The following PDLIM5 variants were observed in gnomAD, a reference collection of about 807,000 sequenced individuals.
PDLIM5 encodes PDZ and LIM domain protein 5.
Under a neutral mutation model 64.2 loss-of-function variants are expected in PDLIM5, and 34 were observed. The observed-to-expected ratio is 0.53, with a 90% CI of 0.40 to 0.71. The LOEUF (loss-of-function observed/expected upper bound fraction) is 0.71. PDLIM5 is among the 30% of genes least tolerant of loss of function. The pLI is 0.00. For missense variants in PDLIM5, 683 were observed against 733.6 expected (o/e 0.93, Z 0.80); for synonymous variants, 253 against 269.1 (o/e 0.94, Z 0.59).
At chr4:94,512,220 C>T (rs1157050646) in intron 2 of PDLIM5, among the ~76,000 whole-genome samples, 1 of 151,976 alleles carries the variant, frequency 6.6e-6, no homozygotes, top group Non-Finnish European at 1.5e-5. Context: ...GGGGTTTCAC[C>T]ATGTTGGCCC....
intron 3 of PDLIM5, among the ~76,000 whole-genome samples, chr4:94,569,795 A>G (rs918871791): frequency 6.6e-6 from 1 of 152,214 alleles, no homozygotes; most frequent in African/African-American, 2.4e-5. Context: ...TGCTACTTAA[A>G]TTTAAATTTG....
At chr4:94,576,936 G>A (rs373618783) in intron 5 of PDLIM5, among the ~76,000 whole-genome samples, 4 of 151,966 alleles carry the variant, frequency 2.6e-5, no homozygotes, top group African/African-American at 9.7e-5. Context: ...AATTTATGTT[G>A]AGGAGCAAGG....
intron 8 of PDLIM5, among the ~76,000 whole-genome samples, chr4:94,631,457 C>T (rs887732270): frequency 1.3e-5 from 2 of 152,076 alleles, no homozygotes; most frequent in Non-Finnish European, 2.9e-5. Context: ...AAAATAATAA[C>T]GCCTTCATAC....
intron 1 of PDLIM5, among the ~76,000 whole-genome samples, chr4:94,454,032 T>C (rs758781218): frequency 6.6e-6 from 1 of 152,216 alleles, no homozygotes; most frequent in Non-Finnish European, 1.5e-5. Context: ...AATGTTTGCT[T>C]TAAATATACC....
intron 2 of PDLIM5, among the ~76,000 whole-genome samples, chr4:94,483,688 T>G (rs182674399): frequency 2.0e-5 from 3 of 152,310 alleles, no homozygotes; most frequent in African/African-American, 7.2e-5. Flanking sequence ...AACATCGTGT[T>G]TTACAGATTT....
chr4:94,547,208 AC>A (rs1259084522), intron 3 of PDLIM5, among the ~76,000 whole-genome samples: 1 of 151,676 alleles, frequency 6.6e-6, no homozygotes, highest in Admixed American at 6.6e-5. Flanking sequence ...TGCACCCCCA[AC>A]CCCCCAAATT....
At chr4:94,475,930 C>T (rs1256397164) in intron 2 of PDLIM5, among the ~76,000 whole-genome samples, 2 of 152,130 alleles carry the variant, frequency 1.3e-5, no homozygotes. Flanking sequence ...ATTGGCAAAT[C>T]ACCTCCCAGT....
chr4:94,533,400 C>T (rs1327431516), intron 3 of PDLIM5, among the ~76,000 whole-genome samples: 1 of 152,096 alleles, frequency 6.6e-6, no homozygotes, highest in Non-Finnish European at 1.5e-5. Flanking sequence ...GTTTAAAGAT[C>T]TGTTTAGTTT....
intron 1 of PDLIM5, among the ~76,000 whole-genome samples, chr4:94,453,944 T>C (rs1016770522): frequency 6.6e-6 from 1 of 152,192 alleles, no homozygotes; most frequent in Admixed American, 6.5e-5. Flanking sequence ...GTAATTTTTA[T>C]TTTCCCTGAT....
At chr4:94,598,255 A>G (rs1425582952) in intron 7 of PDLIM5, among the ~76,000 whole-genome samples, 2 of 152,140 alleles carry the variant, frequency 1.3e-5, no homozygotes, top group Non-Finnish European at 2.9e-5. Context: ...TTAAAAGAAA[A>G]TAAACCCAGT....
At position 94,618,164 on chromosome 4, in the gene PDLIM5, C is replaced by A; in HGVS notation, c.1081C>A (p.Pro361Thr). The stretch of plus-strand genomic sequence containing the variant: ...AGGATCCACTGGCGTCATCAAGTCA[C>A]CAAGCTGGCAACGGCCAAACCAAGG... ...PVGSTGVIKS[P>T]SWQRPNQGVP... Residue 361 changes from proline (P) to threonine (T), a missense_variant, in exon 8 of 13, where the codon CCA (proline) becomes ACA (threonine). Coordinates refer to ENST00000317968, the MANE Select transcript of PDLIM5 (RefSeq NM_006457.5). The A allele has an allele frequency of 6.2e-7, 1 of 1,603,076 alleles. No individual in the cohort carries two copies. The highest frequency in any genetic ancestry group is 1.7e-5 in the Admixed American group (1 of 57,912).
At chr4:94,505,408 G>A (rs749533122) in intron 2 of PDLIM5, among the ~76,000 whole-genome samples, 6 of 152,074 alleles carry the variant, frequency 3.9e-5, no homozygotes, top group Non-Finnish European at 8.8e-5. Flanking sequence ...ACAGTTGTGC[G>A]CCACCATGAT....
At chr4:94,662,085 C>CT (rs1335584590) in intron 11 of PDLIM5, among the ~76,000 whole-genome samples, 2 of 152,150 alleles carry the variant, frequency 1.3e-5, no homozygotes, top group Non-Finnish European at 2.9e-5. Flanking sequence ...TCCCAAAGTG[C>CT]TGGGATTACA....
chr4:94,587,312 G>A (rs1736312664), intron 7 of PDLIM5: 2 of 1,303,384 alleles, frequency 1.5e-6, no homozygotes, highest in Admixed American at 8.3e-5. Context: ...AAAATTAAGG[G>A]ACTAGATCTA....
intron 2 of PDLIM5, among the ~76,000 whole-genome samples, chr4:94,469,991 G>GAGT (rs1724714208): frequency 9.9e-6 from 1 of 101,386 alleles, no homozygotes; most frequent in Non-Finnish European, 1.8e-5. Context: ...TTTTGAGACA[G>GAGT]AGTCTCACTC....
At chr4:94,525,420 CA>C (rs1730262686) in intron 3 of PDLIM5, among the ~76,000 whole-genome samples, 1 of 149,392 alleles carries the variant, frequency 6.7e-6, no homozygotes, top group Non-Finnish European at 1.5e-5. Context: ...TCTGTCGCCC[CA>C]CCCCCCAAAA....
intron 2 of PDLIM5, among the ~76,000 whole-genome samples, chr4:94,501,573 G>A (rs942721356): frequency 2.0e-5 from 3 of 152,088 alleles, no homozygotes; most frequent in Non-Finnish European, 4.4e-5. Context: ...AGAATTTGGG[G>A]CCTGTATTTT....
At chr4:94,608,476 A>G (rs1429576923) in intron 7 of PDLIM5, among the ~76,000 whole-genome samples, 10 of 152,166 alleles carry the variant, frequency 6.6e-5, no homozygotes, top group African/African-American at 2.4e-5. Flanking sequence ...GAATTAGAGC[A>G]TTTGCCTCAA....
intron 3 of PDLIM5, among the ~76,000 whole-genome samples, chr4:94,559,362 GTCT>G (rs1362497024): frequency 6.6e-6 from 1 of 152,098 alleles, no homozygotes; most frequent in Non-Finnish European, 1.5e-5. Flanking sequence ...CTATAGCTCT[GTCT>G]TCTTCTAGCC....
Sources: gnomAD v4.1 joint callset for allele counts (sites outside exome capture counted in the v4.1 genomes callset) on GRCh38, gnomAD v4.1.1 for gene constraint, MANE v1.5 for transcripts, NCBI Gene and HGNC (gene_info 2026-07-23, HGNC 2026-07-21) for gene names.